The following GALNTL6 variants were observed in gnomAD, a reference collection of about 807,000 sequenced individuals.
The protein encoded by GALNTL6 is polypeptide N-acetylgalactosaminyltransferase like 6.
GALNTL6 carries 46 observed loss-of-function variants against 73.7 expected under a neutral mutation model. The ratio of observed to expected loss-of-function variants is 0.62; its 90% CI spans 0.49 to 0.80. The LOEUF is 0.80. Among genes scored for constraint, GALNTL6 ranks in the 30% least tolerant of loss-of-function variants. The probability of loss-of-function intolerance (pLI) is 0.00; values close to 1 mark genes in which losing one functional copy is unlikely to be tolerated. For missense variants in GALNTL6, 604 were observed against 755.0 expected, an observed-to-expected ratio of 0.80 and a Z score of 2.34; for synonymous variants, 259 against 263.7, an observed-to-expected ratio of 0.98 and a Z score of 0.17.
intron 4 of GALNTL6, among the ~76,000 whole-genome samples, chr4:172,316,482 C>T (rs1740544651): frequency 6.6e-6 from 1 of 152,102 alleles, no homozygotes; most frequent in Admixed American, 6.5e-5. Context: ...AGCTTCATGA[C>T]TTTGACAATA....
chr4:172,825,056 CTTTTT>C (rs36147306), intron 7 of GALNTL6, among the ~76,000 whole-genome samples: 7 of 118,328 alleles, frequency 5.9e-5, no homozygotes, highest in Non-Finnish European at 8.6e-5. Context: ...ATTCTTTTTT[CTTTTT>C]TTTTTTTTTG....
At chr4:172,010,927 A>G (rs1740987447) in intron 2 of GALNTL6, among the ~76,000 whole-genome samples, 1 of 152,112 alleles carries the variant, frequency 6.6e-6, no homozygotes, top group Non-Finnish European at 1.5e-5. Context: ...TGGTTCTTGT[A>G]AGATGGATGC....
At chr4:172,814,929 T>G (rs1202128714) in intron 7 of GALNTL6, among the ~76,000 whole-genome samples, 1 of 152,206 alleles carries the variant, frequency 6.6e-6, no homozygotes, top group Non-Finnish European at 1.5e-5. Context: ...GACGTGATAC[T>G]TACTGGAGAG....
intron 3 of GALNTL6, 115 bp downstream of exon 3, chr4:172,229,879 G>A: frequency 4.7e-6 from 3 of 637,474 alleles, no homozygotes; most frequent in East Asian, 2.7e-5. Context: ...TGTTTCATGG[G>A]GATATTGGAG....
chr4:172,694,150 A>C (rs1325981295), intron 5 of GALNTL6, among the ~76,000 whole-genome samples: 1 of 150,448 alleles, frequency 6.6e-6, no homozygotes, highest in South Asian at 2.1e-4. Flanking sequence ...TTTATTCTTT[A>C]AGTTCTGGGA....
intron 3 of GALNTL6, among the ~76,000 whole-genome samples, chr4:172,257,363 TTA>T: frequency 6.6e-6 from 1 of 151,548 alleles, no homozygotes; most frequent in Non-Finnish European, 1.5e-5. Context: ...AAATTGGTCT[TTA>T]TTTTAGTGAA....
At chr4:172,414,090 A>G (rs1178661642) in intron 5 of GALNTL6, among the ~76,000 whole-genome samples, 1 of 152,122 alleles carries the variant, frequency 6.6e-6, no homozygotes, top group Non-Finnish European at 1.5e-5. Flanking sequence ...TTTCCTCACA[A>G]TTAATCCTAA....
rs1735026010 is a variant in GALNTL6, at chr4:172,177,085, T to C, written c.139-52571T>C. Among the ~76,000 whole-genome samples, 8 of 152,136 alleles carry C rather than the reference T, an allele frequency of 5.3e-5. 1 individual carries two copies. In the South Asian group the frequency reaches 1.7e-3, roughly 31 times the overall value. ...AGTTTTTATTTTCCCACCTCTGTTG[T>C]TTGGGAGTAGTTCCTAAGGCAACAA... On this transcript the variant is annotated intron_variant, in intron 2 of 12. Transcript: ENST00000506823.
Position 172,052,489 on chromosome 4 carries a change from A to G in GALNTL6, c.139-177167A>G, listed in dbSNP as rs998185942. 15 of 1,535,174 alleles carry G rather than the reference A, an allele frequency of 9.8e-6. No individual in the cohort carries two copies. The Admixed American group carries it at 1.6e-4, about 16-fold the overall frequency. ...CCGGAGCTGGCCACCAGAGGAATCC[A>G]AGCATTAGTGCAGACCACGGAGTGC... On this transcript the variant is annotated intron_variant, in intron 2 of 12. Coordinates refer to ENST00000506823, the MANE Select transcript of GALNTL6 (RefSeq NM_001034845.3).
intron 2 of GALNTL6, among the ~76,000 whole-genome samples, chr4:171,823,093 G>C (rs900978862): frequency 2.6e-5 from 4 of 152,024 alleles, no homozygotes; most frequent in African/African-American, 9.7e-5. Context: ...ATTGTTTAAG[G>C]GTTTCAAGAT....
intron 5 of GALNTL6, among the ~76,000 whole-genome samples, chr4:172,652,239 T>C (rs6844959): frequency 0.014 from 2,135 of 152,278 alleles, 52 homozygotes; most frequent in African/African-American, 0.049. Context: ...TTCAGGAGTG[T>C]CGAGGTTATT....
At chr4:172,224,412 G>A (rs1424749652) in intron 2 of GALNTL6, among the ~76,000 whole-genome samples, 2 of 152,204 alleles carry the variant, frequency 1.3e-5, no homozygotes, top group African/African-American at 4.8e-5. Flanking sequence ...AGAATCATAG[G>A]TATATGGTTG....
At position 171,934,064 on chromosome 4, in the gene GALNTL6, T is replaced by C. The variant is rs1738268270; in HGVS notation, c.138+119346T>C. On this transcript the variant is annotated intron_variant, in intron 2 of 12. Coordinates refer to ENST00000506823, the MANE Select transcript of GALNTL6 (RefSeq NM_001034845.3). ...TACAAGAATCTACTTTTAACATATC[T>C]TCTGTTTATTTCTATATACTCTGAA... is the stretch of plus-strand genomic sequence containing the variant. 2.0e-5 allele frequency among the ~76,000 whole-genome samples: 3 copies of C among 152,222 alleles called. No individual in the cohort carries two copies. The South Asian group carries it at 6.2e-4, about 32-fold the overall frequency.
At chr4:172,181,291 C>T (rs146426389) in intron 2 of GALNTL6, among the ~76,000 whole-genome samples, 5,758 of 152,232 alleles carry the variant, frequency 0.038, 349 homozygotes, top group African/African-American at 0.13. Context: ...GGCTTCATCC[C>T]TGGGATGCAA....
chr4:171,990,536 AG>A (rs1330856486), intron 2 of GALNTL6, among the ~76,000 whole-genome samples: 1 of 152,192 alleles, frequency 6.6e-6, no homozygotes, highest in Non-Finnish European at 1.5e-5. Flanking sequence ...GAAGAAAAAG[AG>A]AAAGTGACCC....
chr4:172,605,952 C>T (rs1738240424), intron 5 of GALNTL6, among the ~76,000 whole-genome samples: 1 of 152,072 alleles, frequency 6.6e-6, no homozygotes, highest in South Asian at 2.1e-4. Context: ...CCAGGCTCCT[C>T]CCCTTGCATA....
At chr4:172,951,665 G>A (rs1156487956) in intron 9 of GALNTL6, among the ~76,000 whole-genome samples, 1 of 152,116 alleles carries the variant, frequency 6.6e-6, no homozygotes, top group Non-Finnish European at 1.5e-5. Flanking sequence ...TAATGCCTGA[G>A]AGGAATGTCA....
At chr4:172,385,673 A>G (rs1743439808) in intron 5 of GALNTL6, among the ~76,000 whole-genome samples, 1 of 152,142 alleles carries the variant, frequency 6.6e-6, no homozygotes, top group South Asian at 2.1e-4. Flanking sequence ...TTGTGGACAA[A>G]ATATCATTGG....
intron 8 of GALNTL6, among the ~76,000 whole-genome samples, chr4:172,896,650 C>T (rs889938620): frequency 6.6e-6 from 1 of 152,140 alleles, no homozygotes; most frequent in Non-Finnish European, 1.5e-5. Context: ...AATTGAGTCA[C>T]ATTGGCTCAA....
Sources: allele counts gnomAD v4.1 joint callset (sites outside exome capture counted in the v4.1 genomes callset), GRCh38; gene constraint gnomAD v4.1.1; transcripts MANE v1.5; gene names NCBI Gene and HGNC (gene_info 2026-07-23, HGNC 2026-07-21).